RPS6KL1: variants seen among roughly 807,000 people sequenced by gnomAD.
RPS6KL1 encodes ribosomal protein S6 kinase like 1, also known as ribosomal protein S6 kinase-like 1.
In RPS6KL1, 41 loss-of-function variants were observed where a neutral mutation model predicts 57.0. The ratio of observed to expected loss-of-function variants is 0.72; its 90% CI spans 0.56 to 0.93. The LOEUF (loss-of-function observed/expected upper bound fraction) is 0.93, where lower values mean the gene tolerates loss of function less well. Among genes scored for constraint, RPS6KL1 ranks in the 40% least tolerant of loss-of-function variants. RPS6KL1 has a pLI of 0.00. For missense variants in RPS6KL1, 697 were observed against 727.7 expected (o/e 0.96, Z 0.49); for synonymous variants, 287 against 309.7 (o/e 0.93, Z 0.77).
At position 74,910,110 on chromosome 14, in the gene RPS6KL1, A is replaced by C. The variant is rs1204739137; in HGVS notation, c.703T>G (p.Ser235Ala). ...LWSHLLSQAH[S>A]RHSGLSSGST... ...CCAGAGCTGAGCCCAGAATGTCGGG[A>C]GTGCGCCTGGGAGAGCAGGTGGGAC... Residue 235 changes from serine (S) to alanine (A), a missense_variant, in exon 8 of 12, where the codon TCC (serine) becomes GCC (alanine). Ser to Ala is a moderately conservative substitution (Grantham distance 99). Coordinates refer to ENST00000557413, the MANE Select transcript of RPS6KL1 (RefSeq NM_031464.5). The C allele has an allele frequency of 6.3e-7, 1 of 1,577,854 alleles. No individual in the cohort carries two copies. Among genetic ancestry groups the C allele is most frequent in the South Asian group, 1.1e-5 (1 of 87,208 alleles).
At chr14:74,908,455 T>C (rs965092726) in intron 10 of RPS6KL1, among the ~76,000 whole-genome samples, 1 of 152,058 alleles carries the variant, frequency 6.6e-6, no homozygotes, top group Non-Finnish European at 1.5e-5. Flanking sequence ...AGCCCCTCTC[T>C]CCCATCCTCC....
intron 3 of RPS6KL1, among the ~76,000 whole-genome samples, chr14:74,920,233 C>T (rs779013403): frequency 6.6e-6 from 1 of 152,222 alleles, no homozygotes; most frequent in African/African-American, 2.4e-5. Context: ...TAGCACCCAC[C>T]GCCTTGCTGG....
At chr14:74,910,920 A>G (rs1191320016) in intron 7 of RPS6KL1, 3 of 246,392 alleles carry the variant, frequency 1.2e-5, no homozygotes, top group South Asian at 4.9e-5. Flanking sequence ...TGCCCAGGCT[A>G]GAGTGCAGTG....
Position 74,906,409 on chromosome 14 carries a change from T to C in RPS6KL1, c.*605A>G, listed in dbSNP as rs55948327. On this transcript the variant is annotated 3_prime_UTR_variant, in exon 12 of 12. Coordinates refer to ENST00000557413, the MANE Select transcript of RPS6KL1 (RefSeq NM_031464.5). The stretch of plus-strand genomic sequence containing the variant: ...AGGGGGCATGGTCAGGAATCGGGGG[T>C]GGGGGGGTGGGGGTGGGGGTCATCC... 5.6e-5 allele frequency: 9 copies of C among 161,648 alleles called. 1 individual carries two copies. The highest frequency in any genetic ancestry group is 1.9e-4 in the African/African-American group (3 of 15,478). 10.0% of individuals were successfully genotyped at this position (161,648 alleles called of 1,614,324 possible).
At chr14:74,918,782 C>T (rs557289036) in intron 4 of RPS6KL1, among the ~76,000 whole-genome samples, 177 bp from the exon 5 acceptor site, 18 of 152,312 alleles carry the variant, frequency 1.2e-4, no homozygotes, top group Non-Finnish European at 2.2e-4. Flanking sequence ...TGGCCTTTAC[C>T]GATAGGCACC....
rs575767975 is a variant in RPS6KL1 at position 74,907,490 on chromosome 14, G to T, written c.1484C>A (p.Thr495Asn). Residue 495 changes from threonine (T) to asparagine (N), a missense_variant, in exon 11 of 12, where the codon ACC (threonine) becomes AAC (asparagine). Physicochemically the swap from Thr to Asn is moderately conservative, Grantham distance 65. Transcript: ENST00000557413. ...QSHPSGIQAH[T>N]QLQLPEWLSR... Reference sequence around the variant, plus strand: ...GAGCCACTCGGGCAGCTGGAGCTGGGTGTGGGCCTGGATTCCTGAAGGGTG... The same window carrying T: ...GAGCCACTCGGGCAGCTGGAGCTGGTTGTGGGCCTGGATTCCTGAAGGGTG... 41 of 1,586,792 alleles carry T rather than the reference G, an allele frequency of 2.6e-5. No homozygotes were observed. Among genetic ancestry groups the T allele is most frequent in the Non-Finnish European group, 3.2e-5 (37 of 1,166,624 alleles).
At chr14:74,913,434 G>A (rs1886348319) in intron 5 of RPS6KL1, among the ~76,000 whole-genome samples, 1 of 152,208 alleles carries the variant, frequency 6.6e-6, no homozygotes, top group Admixed American at 6.5e-5. Flanking sequence ...GTGCCCGCCT[G>A]TAATCCCAGC....
chr14:74,919,474 T>C (rs1887430761), intron 4 of RPS6KL1, among the ~76,000 whole-genome samples: 1 of 152,086 alleles, frequency 6.6e-6, no homozygotes. Context: ...TGCTCCAAAT[T>C]GCATGCCGGT....
At position 74,911,314 on chromosome 14, in the gene RPS6KL1, T is replaced by C. The variant is rs746867338; in HGVS notation, c.598A>G (p.Met200Val). ...LTIIPHGVPY[M>V]TKLLRYFVSE... is the part of the protein sequence containing the mutation. ...ACAAAGTACCTGAGCAGCTTCGTCA[T>C]GTAGGGGACTCCGTGTGGGATGATG... Residue 200 changes from methionine (M) to valine (V), a missense_variant, in exon 7 of 12, where the codon ATG becomes GTG. Transcript: ENST00000557413. 1.9e-6 allele frequency: 3 copies of C among 1,612,376 alleles called. No homozygotes were observed. The highest frequency in any genetic ancestry group is 2.2e-5 in the East Asian group (1 of 44,868).
Position 74,918,613 on chromosome 14 carries a change from G to A in RPS6KL1, c.391-8C>T, listed in dbSNP as rs1887265408. 5.9e-6 allele frequency: 9 copies of A among 1,532,110 alleles called. No individual in the cohort carries two copies. The highest frequency in any genetic ancestry group is 7.9e-6 in the Non-Finnish European group (9 of 1,144,540). 94.9% of individuals were successfully genotyped at this position (1,532,110 alleles called of 1,614,324 possible). On this transcript the variant is annotated splice_polypyrimidine_tract_variant and splice_region_variant and intron_variant, in intron 4 of 11. Coordinates refer to ENST00000557413, the MANE Select transcript of RPS6KL1 (RefSeq NM_031464.5). ...CCTCAGGCTGCTGAAACCCTGCAGAGGAGGGAGACAGGCCACACACAGCCT... is the reference window on the plus strand; with the variant it reads ...CCTCAGGCTGCTGAAACCCTGCAGAAGAGGGAGACAGGCCACACACAGCCT...
chr14:74,910,367 T>TTTTTAA, intron 7 of RPS6KL1: 2 of 431,156 alleles, frequency 4.6e-6, no homozygotes, highest in Admixed American at 4.1e-5. Flanking sequence ...GGCCCAGCCT[T>TTTTTAA]ACAAACTGGC....
chr14:74,907,175 G>T, intron 11 of RPS6KL1, 51 bp from the exon 12 acceptor site: 2 of 1,488,710 alleles, frequency 1.3e-6, no homozygotes, highest in Non-Finnish European at 1.8e-6. Flanking sequence ...GGAGGCATGG[G>T]GTGACCTCCA....
intron 7 of RPS6KL1, chr14:74,910,880 T>G: frequency 1.1e-5 from 2 of 188,978 alleles, no homozygotes; most frequent in Non-Finnish European, 1.1e-5. Context: ...CTTTTTTTTT[T>G]TTTTTTTTTG....
chr14:74,918,790 A>G (rs1241197452), intron 4 of RPS6KL1, among the ~76,000 whole-genome samples, 185 bp from the exon 5 acceptor site: 1 of 152,134 alleles, frequency 6.6e-6, no homozygotes, highest in Non-Finnish European at 1.5e-5. Flanking sequence ...ACCGATAGGC[A>G]CCCATACTGG....
At chr14:74,914,966 C>T (rs1200840500) in intron 5 of RPS6KL1, among the ~76,000 whole-genome samples, 1 of 152,258 alleles carries the variant, frequency 6.6e-6, no homozygotes, top group Non-Finnish European at 1.5e-5. Flanking sequence ...CCCACCTTGG[C>T]TCCCCAAAGT....
chr14:74,908,750 G>C, intron 10 of RPS6KL1, 100 bp downstream of exon 10: 1 of 1,047,922 alleles, frequency 9.5e-7, no homozygotes, highest in Non-Finnish European at 1.5e-6. Context: ...TGGTAGGACA[G>C]CCAGGCAGTC....
At chr14:74,907,275 G>A in intron 11 of RPS6KL1, 151 bp from the exon 12 acceptor site, 1 of 1,391,530 alleles carries the variant, frequency 7.2e-7, no homozygotes, top group Non-Finnish European at 9.6e-7. Flanking sequence ...CATTGGTGGT[G>A]GTTGGCCACC....
At chr14:74,915,452 C>A (rs901238082) in intron 5 of RPS6KL1, among the ~76,000 whole-genome samples, 1 of 152,192 alleles carries the variant, frequency 6.6e-6, no homozygotes, top group Non-Finnish European at 1.5e-5. Flanking sequence ...ATTCTTGGGA[C>A]AGAGGGACAA....
intron 10 of RPS6KL1, 97 bp from the exon 11 acceptor site, chr14:74,907,627 TGAG>T: frequency 3.6e-6 from 4 of 1,116,084 alleles, no homozygotes; most frequent in South Asian, 1.6e-5. Context: ...TCACAGCCCA[TGAG>T]GAGGATGACA....
Sources: gnomAD v4.1 joint callset for allele counts (sites outside exome capture counted in the v4.1 genomes callset) on GRCh38, gnomAD v4.1.1 for gene constraint, MANE v1.5 for transcripts, NCBI Gene and HGNC (gene_info 2026-07-23, HGNC 2026-07-21) for gene names.